NCR3LG1: variants seen among roughly 807,000 people sequenced by gnomAD.
The protein encoded by NCR3LG1 is natural killer cell cytotoxicity receptor 3 ligand 1.
NCR3LG1 carries 35 observed loss-of-function variants against 34.8 expected under a neutral mutation model. The observed-to-expected ratio is 1.01, with a 90% CI of 0.77 to 1.33. The LOEUF (loss-of-function observed/expected upper bound fraction) is 1.33, where lower values mean the gene tolerates loss of function less well. NCR3LG1 is among the 40% of genes most tolerant of loss of function. NCR3LG1 has a pLI of 0.00. For missense variants in NCR3LG1, 452 were observed against 423.3 expected, an observed-to-expected ratio of 1.07 and a Z score of -0.60; for synonymous variants, 173 against 163.6, an observed-to-expected ratio of 1.06 and a Z score of -0.44.
At chr11:17,353,917 A>G (rs1953173755) in intron 1 of NCR3LG1, among the ~76,000 whole-genome samples, 1 of 152,186 alleles carries the variant, frequency 6.6e-6, no homozygotes, top group Non-Finnish European at 1.5e-5. Flanking sequence ...CCTACACCTT[A>G]GGATGGAGCA....
chr11:17,362,798 CTT>C lies in NCR3LG1; in HGVS notation c.422-4209_422-4208del, dbSNP rs1491267937. ...CTTCCTTCTTTCCTTCTTTCTCTCT[CTT>C]TCTTTCTTTCTTTCTTTCTTCCTTT... On this transcript the variant is annotated intron_variant, in intron 2 of 4. Coordinates refer to ENST00000338965, the MANE Select transcript of NCR3LG1 (RefSeq NM_001202439.3). Among the ~76,000 whole-genome samples, 25 of 142,212 alleles carry C rather than the reference CTT, an allele frequency of 1.8e-4. 4 individuals are homozygous for C. The highest frequency in any genetic ancestry group is 5.6e-4 in the African/African-American group (21 of 37,660). 93.3% of individuals were successfully genotyped at this position (142,212 alleles called of 152,430 possible). A position where few individuals can be genotyped will look rare whatever the true frequency, so the allele number is the denominator to read the frequency against.
intron 2 of NCR3LG1, among the ~76,000 whole-genome samples, chr11:17,358,622 CTG>C (rs928905245): frequency 3.7e-4 from 56 of 152,208 alleles, no homozygotes; most frequent in African/African-American, 1.3e-3. Flanking sequence ...GGAAGTCACT[CTG>C]TGCAGCCCAC....
chr11:17,367,338 AGTCTTTCTGGTAAGG>A lies in NCR3LG1; in HGVS notation c.760+2_760+16del, dbSNP rs1564858113. ...CTTTACCCTGACTGCTGCTCGGCAC[AGTCTTTCTGGTAAGG>A]GTCTTTCTGGACATTTCTTCTCTTC... is the stretch of plus-strand genomic sequence containing the variant. On this transcript the variant is annotated splice_donor_variant and splice_donor_5th_base_variant and coding_sequence_variant and intron_variant, in exon 3 of 5. Coordinates refer to ENST00000338965, the MANE Select transcript of NCR3LG1 (RefSeq NM_001202439.3). LOFTEE classifies it high-confidence loss of function. The A allele has an allele frequency of 3.3e-6, 5 of 1,533,120 alleles. No homozygotes were observed. The highest frequency in any genetic ancestry group is 4.4e-6 in the Non-Finnish European group (5 of 1,144,834). 95.0% of individuals were successfully genotyped at this position (1,533,120 alleles called of 1,614,324 possible).
At chr11:17,377,629 G>C (rs1323202686), downstream of NCR3LG1, among the ~76,000 whole-genome samples, 1 of 152,206 alleles carries the variant, frequency 6.6e-6, no homozygotes, top group African/African-American at 2.4e-5. Context: ...ATGCAGGAGG[G>C]GGAAGCTTCT....
chr11:17,359,300 C>T (rs1401968691), intron 2 of NCR3LG1, among the ~76,000 whole-genome samples: 2 of 152,124 alleles, frequency 1.3e-5, no homozygotes, highest in African/African-American at 4.8e-5. Flanking sequence ...TTACATTAAA[C>T]ATTTGTTCTT....
intron 2 of NCR3LG1, 116 bp from the exon 3 acceptor site, chr11:17,366,893 G>C (rs1256915854): frequency 1.4e-6 from 1 of 703,460 alleles, no homozygotes; most frequent in Non-Finnish European, 2.3e-6. Flanking sequence ...GTCTTATCTG[G>C]CTACAGGAGC....
rs746797927 is a variant in NCR3LG1, at chr11:17,376,030, G to A, written c.*3518G>A. ...TCAGTGCATCCAAAGATTGTTCTCA[G>A]GAGAAAATCTACTAAAAATGGTCAA... On this transcript the variant is annotated 3_prime_UTR_variant, in exon 5 of 5. Transcript: ENST00000338965. 6.6e-6 allele frequency: 1 copy of A among 152,170 alleles called. No individual in the cohort carries two copies. The highest frequency in any genetic ancestry group is 6.5e-5 in the Admixed American group (1 of 15,276). The allele number at this position is 152,170 out of a possible 1,614,324, so 9.4% of individuals were successfully genotyped here. A position where few individuals can be genotyped will look rare whatever the true frequency, so the allele number is the denominator to read the frequency against.
At chr11:17,353,998 T>C (rs1953174805) in intron 1 of NCR3LG1, among the ~76,000 whole-genome samples, 1 of 152,216 alleles carries the variant, frequency 6.6e-6, no homozygotes, top group South Asian at 2.1e-4. Context: ...AATCCAGTCA[T>C]ACAAAGGAAT....
Position 17,351,867 on chromosome 11 carries a change from T to C in NCR3LG1, c.-103T>C, listed in dbSNP as rs189275385. 333 of 903,346 alleles carry C rather than the reference T, an allele frequency of 3.7e-4. 1 individual carries two copies. In the African/African-American group the frequency reaches 5.0e-3, roughly 14 times the overall value. 56.0% of individuals were successfully genotyped at this position (903,346 alleles called of 1,614,324 possible). A position where few individuals can be genotyped will look rare whatever the true frequency, so the allele number is the denominator to read the frequency against. ...GCCGGCTGGAAATCCCGGCTGTGTC[T>C]CCGTCAACTCTTTACGCAACAGAGG... On this transcript the variant is annotated 5_prime_UTR_variant, in exon 1 of 5. Coordinates refer to ENST00000338965, the MANE Select transcript of NCR3LG1 (RefSeq NM_001202439.3).
chr11:17,368,951 T>G lies in NCR3LG1; in HGVS notation c.845T>G (p.Ile282Ser). ...GVGLVLLIVL[I>S]PWKKICNKSS... Reference sequence around the variant, plus strand: ...GGACTGGTTTTATTAATTGTTTTGATTCCTTGGAAAAAGGTAAGGGGCTCC... The same window carrying G: ...GGACTGGTTTTATTAATTGTTTTGAGTCCTTGGAAAAAGGTAAGGGGCTCC... Residue 282 changes from isoleucine (I) to serine (S), a missense_variant, in exon 4 of 5, where the codon ATT becomes AGT. Transcript: ENST00000338965. 1.3e-6 allele frequency: 2 copies of G among 1,531,822 alleles called. No individual in the cohort carries two copies. Among genetic ancestry groups the G allele is most frequent in the South Asian group, 1.2e-5 (1 of 83,780 alleles). The allele number at this position is 1,531,822 out of a possible 1,614,324, so 94.9% of individuals were successfully genotyped here.
At position 17,376,245 on chromosome 11, in the gene NCR3LG1, G is replaced by C. The variant is rs1343314276; in HGVS notation, c.*3733G>C. ...GCATACCTTCATTAACTGGGTAGAG[G>C]CATTCCCATGCCCAACAGAAAAGGC... On this transcript the variant is annotated 3_prime_UTR_variant, in exon 5 of 5. Transcript: ENST00000338965. 6.6e-6 allele frequency: 1 copy of C among 152,168 alleles called. No homozygotes were observed. The highest frequency in any genetic ancestry group is 2.4e-5 in the African/African-American group (1 of 41,430). 9.4% of individuals were successfully genotyped at this position (152,168 alleles called of 1,614,324 possible). A position where few individuals can be genotyped will look rare whatever the true frequency, so the allele number is the denominator to read the frequency against.
At chr11:17,378,965 G>A (rs1953499286), downstream of NCR3LG1, among the ~76,000 whole-genome samples, 1 of 152,188 alleles carries the variant, frequency 6.6e-6, no homozygotes, top group Non-Finnish European at 1.5e-5. Flanking sequence ...CTAAGGGCCT[G>A]CATGCACACT....
At chr11:17,366,036 C>G (rs547580851) in intron 2 of NCR3LG1, among the ~76,000 whole-genome samples, 1 of 152,284 alleles carries the variant, frequency 6.6e-6, no homozygotes, top group South Asian at 2.1e-4. Context: ...TCAATTTGTT[C>G]AGCTTTTGTT....
At position 17,374,884 on chromosome 11, in the gene NCR3LG1, GTCCTT is replaced by G. The variant is rs1953457767; in HGVS notation, c.*2374_*2378del. 1 of 142,916 alleles carries G rather than the reference GTCCTT, an allele frequency of 7.0e-6. No individual in the cohort carries two copies. The highest frequency in any genetic ancestry group is 1.5e-5 in the Non-Finnish European group (1 of 64,952). 8.9% of individuals were successfully genotyped at this position (142,916 alleles called of 1,614,324 possible). On this transcript the variant is annotated 3_prime_UTR_variant, in exon 5 of 5. Coordinates refer to ENST00000338965, the MANE Select transcript of NCR3LG1 (RefSeq NM_001202439.3). ...CAGCCCCCAGTCTTTCTGTAGGGAAGTCCTTTAATCTTTATGTATCATAAAGGAAA... is the reference window on the plus strand; with the variant it reads ...CAGCCCCCAGTCTTTCTGTAGGGAAGTAATCTTTATGTATCATAAAGGAAA...
rs2133369926 is a variant in NCR3LG1 at position 17,375,685 on chromosome 11, A to T, written c.*3173A>T. 6.6e-6 allele frequency: 1 copy of T among 152,370 alleles called. No individual in the cohort carries two copies. The highest frequency in any genetic ancestry group is 2.1e-4 in the South Asian group (1 of 4,828). The allele number at this position is 152,370 out of a possible 1,614,324, so 9.4% of individuals were successfully genotyped here. Reference sequence around the variant, plus strand: ...GTTCCTCCCATGAGAATTAGTGGTCAGACATTGCAGAGGGCATCAGAAGCG... The same window carrying T: ...GTTCCTCCCATGAGAATTAGTGGTCTGACATTGCAGAGGGCATCAGAAGCG... On this transcript the variant is annotated 3_prime_UTR_variant, in exon 5 of 5. Coordinates refer to ENST00000338965, the MANE Select transcript of NCR3LG1 (RefSeq NM_001202439.3).
At chr11:17,381,345 T>C (rs1219815759), downstream of NCR3LG1, 2 of 152,498 alleles carry the variant, frequency 1.3e-5, no homozygotes, top group African/African-American at 4.8e-5. Flanking sequence ...GATGACAAGG[T>C]TTCTCAGAGA....
chr11:17,353,726 GCA>G (rs1953170289), intron 1 of NCR3LG1, among the ~76,000 whole-genome samples: 1 of 152,250 alleles, frequency 6.6e-6, no homozygotes. Context: ...AGCAGCAGCA[GCA>G]GCTCCTGGAG....
intron 2 of NCR3LG1, among the ~76,000 whole-genome samples, chr11:17,357,509 C>T (rs1953224229): frequency 6.6e-6 from 1 of 152,126 alleles, no homozygotes; most frequent in Non-Finnish European, 1.5e-5. Context: ...CATAATTCAG[C>T]CCAGCATGGG....
At chr11:17,362,796 CTCTTTCTTTCTT>C (rs74193431) in intron 2 of NCR3LG1, among the ~76,000 whole-genome samples, 33 of 137,722 alleles carry the variant, frequency 2.4e-4, no homozygotes, top group Middle Eastern at 7.0e-3. Context: ...TTCTTTCTCT[CTCTTTCTTTCTT>C]TCTTTCTTTC....
Sources: gnomAD v4.1 joint callset for allele counts (sites outside exome capture counted in the v4.1 genomes callset) on GRCh38, gnomAD v4.1.1 for gene constraint, MANE v1.5 for transcripts, NCBI Gene and HGNC (gene_info 2026-07-23, HGNC 2026-07-21) for gene names.